BNC2: variants seen among roughly 807,000 people sequenced by gnomAD.
BNC2 encodes the protein basonuclin zinc finger protein 2.
Under a neutral mutation model 76.3 loss-of-function variants are expected in BNC2, and 20 were observed. That is an observed-to-expected ratio of 0.26 (90% CI 0.18 to 0.38). The LOEUF is 0.38. Among genes scored for constraint, BNC2 ranks in the 10% least tolerant of loss-of-function variants. The pLI, the probability that BNC2 is intolerant of heterozygous loss-of-function variation, is 1.00. For missense variants in BNC2, 1,382 were observed against 1,399.8 expected (o/e 0.99, Z 0.20); for synonymous variants, 582 against 514.8 (o/e 1.13, Z -1.77).
intron 4 of BNC2, among the ~76,000 whole-genome samples, chr9:16,578,872 GAAGT>G (rs1405014964): frequency 3.3e-5 from 5 of 152,158 alleles, no homozygotes; most frequent in Non-Finnish European, 7.3e-5. Flanking sequence ...GTATTTCAGT[GAAGT>G]AGTGGCAGTA....
At chr9:16,820,122 C>CAA (rs11387388) in intron 1 of BNC2, among the ~76,000 whole-genome samples, 3,953 of 80,988 alleles carry the variant, frequency 0.049, 355 homozygotes, top group African/African-American at 0.15. Flanking sequence ...GAGACTGTCT[C>CAA]AAAAAAAAAA....
chr9:16,811,569 A>C (rs1025727934), intron 1 of BNC2, among the ~76,000 whole-genome samples: 6 of 151,628 alleles, frequency 4.0e-5, no homozygotes, highest in African/African-American at 1.5e-4. Flanking sequence ...AAAAAAAAAA[A>C]AAAAAACAGT....
Position 16,555,788 on chromosome 9 carries a change from C to A in BNC2, c.434-3023G>T, listed in dbSNP as rs201595571. 9.9e-5 allele frequency among the ~76,000 whole-genome samples: 15 copies of A among 151,672 alleles called. No homozygotes were observed. The East Asian group carries it at 2.9e-3, about 29-fold the overall frequency. On this transcript the variant is annotated intron_variant, in intron 4 of 6. Transcript: ENST00000380672. ...CTCCAGCCTGGGCAACAGAGTGAGA[C>A]CCTGTCTCAAAAAAAAAGAAAAAAG...
intron 1 of BNC2, among the ~76,000 whole-genome samples, chr9:16,847,161 T>C (rs1420821764): frequency 5.3e-5 from 8 of 152,096 alleles, no homozygotes; most frequent in Admixed American, 3.3e-4. Flanking sequence ...GAAGTAAGCA[T>C]ATAAGAGATA....
intron 6 of BNC2, among the ~76,000 whole-genome samples, chr9:16,427,343 T>C (rs796102714): frequency 2.5e-4 from 38 of 152,338 alleles, no homozygotes; most frequent in African/African-American, 8.9e-4. Flanking sequence ...TTATGATTAA[T>C]GGCACTAATA....
rs904733785 is a variant in BNC2 at position 16,787,361 on chromosome 9, C to T, written c.4-48876G>A. ...ATAATTTTCCTAAGTCGGCCTGGTG[C>T]TAGCATTCTAGAATTCTGAAAACAG... On this transcript the variant is annotated intron_variant, in intron 1 of 6. Transcript: ENST00000380672. Among the ~76,000 whole-genome samples the T allele has an allele frequency of 3.3e-5, 5 of 152,196 alleles. 1 individual carries two copies. In the South Asian group the frequency reaches 1.0e-3, roughly 31 times the overall value.
At chr9:16,745,966 T>C (rs997354974) in intron 1 of BNC2, among the ~76,000 whole-genome samples, 1 of 152,216 alleles carries the variant, frequency 6.6e-6, no homozygotes, top group Non-Finnish European at 1.5e-5. Flanking sequence ...ACAAGTCGTA[T>C]AAAGCCTGGG....
intron 3 of BNC2, among the ~76,000 whole-genome samples, chr9:16,690,022 T>C (rs1291760148): frequency 6.6e-6 from 1 of 152,006 alleles, no homozygotes; most frequent in Admixed American, 6.5e-5. Context: ...CGTGGCAGAG[T>C]ATGCAGTTAA....
At chr9:16,806,278 C>G (rs924905295) in intron 1 of BNC2, among the ~76,000 whole-genome samples, 2 of 152,116 alleles carry the variant, frequency 1.3e-5, no homozygotes, top group African/African-American at 4.8e-5. Flanking sequence ...GGGTTCAAGA[C>G]CAGCCTGGGC....
intron 5 of BNC2, among the ~76,000 whole-genome samples, chr9:16,540,013 C>T (rs1818269436): frequency 6.6e-6 from 1 of 151,916 alleles, no homozygotes; most frequent in South Asian, 2.1e-4. Context: ...TTCTATTCAC[C>T]ACCTGTAACT....
At chr9:16,702,665 T>A (rs1823548764) in intron 3 of BNC2, among the ~76,000 whole-genome samples, 1 of 151,980 alleles carries the variant, frequency 6.6e-6, no homozygotes, top group South Asian at 2.1e-4. Context: ...TTCCAAAAAT[T>A]CAAGCTTCCC....
intron 1 of BNC2, among the ~76,000 whole-genome samples, chr9:16,746,034 T>G (rs959211106): frequency 6.6e-6 from 1 of 152,338 alleles, no homozygotes; most frequent in East Asian, 1.9e-4. Context: ...CAAAAAATCT[T>G]AGGAAACAGA....
At chr9:16,729,575 A>C (rs1253041169) in intron 2 of BNC2, among the ~76,000 whole-genome samples, 1 of 152,152 alleles carries the variant, frequency 6.6e-6, no homozygotes, top group Non-Finnish European at 1.5e-5. Flanking sequence ...CATTAAGCAC[A>C]AAAAAGTCTC....
At chr9:16,689,216 A>G (rs1823076660) in intron 3 of BNC2, among the ~76,000 whole-genome samples, 1 of 151,974 alleles carries the variant, frequency 6.6e-6, no homozygotes, top group Non-Finnish European at 1.5e-5. Flanking sequence ...TGAAAAGAAG[A>G]CATAAAAAGC....
intron 1 of BNC2, among the ~76,000 whole-genome samples, chr9:16,741,140 T>C: frequency 6.6e-6 from 1 of 151,520 alleles, no homozygotes; most frequent in Middle Eastern, 3.2e-3. Flanking sequence ...AATCGAGGAG[T>C]ACTAGAAGGA....
intron 3 of BNC2, among the ~76,000 whole-genome samples, chr9:16,706,974 G>A (rs935324506): frequency 7.2e-5 from 11 of 152,198 alleles, no homozygotes; most frequent in African/African-American, 2.7e-4. Flanking sequence ...AGGCCGAGAC[G>A]GGCGGATCAC....
intron 2 of BNC2, among the ~76,000 whole-genome samples, chr9:16,736,967 C>T (rs1255454194): frequency 2.6e-5 from 4 of 151,544 alleles, no homozygotes; most frequent in African/African-American, 7.3e-5. Flanking sequence ...CCTCCATGCC[C>T]GGCTAATTTT....
chr9:16,642,108 C>T (rs1374333069), intron 3 of BNC2, among the ~76,000 whole-genome samples: 1 of 152,212 alleles, frequency 6.6e-6, no homozygotes, highest in Non-Finnish European at 1.5e-5. Context: ...CTAAAACACT[C>T]ACCTGATACT....
At chr9:16,583,227 G>A (rs1426340149) in intron 3 of BNC2, 142 bp from the exon 4 acceptor site, 3 of 698,166 alleles carry the variant, frequency 4.3e-6, no homozygotes, top group African/African-American at 1.8e-5. Context: ...AATAAATTTA[G>A]ATATCACCAA....
Sources: gnomAD v4.1 joint callset for allele counts (sites outside exome capture counted in the v4.1 genomes callset) on GRCh38, gnomAD v4.1.1 for gene constraint, MANE v1.5 for transcripts, NCBI Gene and HGNC (gene_info 2026-07-23, HGNC 2026-07-21) for gene names.